The following SEZ6L variants were observed in gnomAD, a reference collection of about 807,000 sequenced individuals.
SEZ6L encodes seizure related 6 homolog like.
In SEZ6L, 37 loss-of-function variants were observed where a neutral mutation model predicts 106.2. The observed-to-expected ratio is 0.35, with a 90% CI of 0.27 to 0.46. The LOEUF is 0.46. SEZ6L is among the 20% of genes least tolerant of loss of function. The probability of loss-of-function intolerance (pLI) is 1.00; values close to 1 mark genes in which losing one functional copy is unlikely to be tolerated. For synonymous variants in SEZ6L, 541 were observed against 570.4 expected (o/e 0.95, Z 0.73); for missense variants, 1,172 against 1,332.8 (o/e 0.88, Z 1.88).
intron 9 of SEZ6L, among the ~76,000 whole-genome samples, chr22:26,323,949 C>T (rs1199343632): frequency 6.6e-6 from 1 of 152,044 alleles, no homozygotes; most frequent in Admixed American, 6.6e-5. Context: ...CTCCTTTGTA[C>T]AGATGAAGAA....
intron 9 of SEZ6L, among the ~76,000 whole-genome samples, chr22:26,333,248 CG>C (rs1569467040): frequency 6.6e-6 from 1 of 152,188 alleles, no homozygotes; most frequent in Non-Finnish European, 1.5e-5. Flanking sequence ...GACAAGCCAG[CG>C]GGTTGGCTTT....
Position 26,212,854 on chromosome 22 carries a change from G to A in SEZ6L, c.94+43091G>A, listed in dbSNP as rs140941677. On this transcript the variant is annotated intron_variant, in intron 1 of 16. Coordinates refer to ENST00000248933, the MANE Select transcript of SEZ6L (RefSeq NM_021115.5). ...CTGGAGAATAAGACTGCAAATGGTG[G>A]CCATGCATCAATCAGAGTGGGATTA... Among the ~76,000 whole-genome samples, 1,036 of 152,274 alleles carry A rather than the reference G, an allele frequency of 6.8e-3. 6 individuals carry two copies. Among genetic ancestry groups the A allele is most frequent in the Non-Finnish European group, 0.011 (729 of 68,024 alleles).
chr22:26,229,368 T>C (rs4140479), intron 1 of SEZ6L, among the ~76,000 whole-genome samples: 127,478 of 152,222 alleles, frequency 0.84, 53,660 homozygotes, highest in East Asian at 1. Flanking sequence ...TGCCCCGGGC[T>C]TGTAACTGTA....
intron 1 of SEZ6L, among the ~76,000 whole-genome samples, chr22:26,171,521 T>C (rs1938603034): frequency 6.6e-6 from 1 of 152,212 alleles, no homozygotes; most frequent in South Asian, 2.1e-4. Flanking sequence ...AAAAAAATTG[T>C]CTTAATGGCA....
intron 1 of SEZ6L, among the ~76,000 whole-genome samples, chr22:26,231,368 C>G (rs1178227506): frequency 1.3e-5 from 2 of 152,108 alleles, no homozygotes; most frequent in Admixed American, 6.5e-5. Flanking sequence ...GGGAGATGCT[C>G]CCACCCTGGC....
chr22:26,251,259 T>G (rs1660229260), intron 1 of SEZ6L, among the ~76,000 whole-genome samples: 1 of 152,224 alleles, frequency 6.6e-6, no homozygotes, highest in South Asian at 2.1e-4. Context: ...ATCCATTCAT[T>G]ATGATGTAAG....
At chr22:26,184,471 C>T (rs1601968490) in intron 1 of SEZ6L, among the ~76,000 whole-genome samples, 1 of 152,158 alleles carries the variant, frequency 6.6e-6, no homozygotes, top group African/African-American at 2.4e-5. Flanking sequence ...TCCCACTAGG[C>T]CATGGGAAAT....
intron 1 of SEZ6L, among the ~76,000 whole-genome samples, chr22:26,221,695 G>A (rs1054774689): frequency 2.0e-5 from 3 of 151,784 alleles, no homozygotes; most frequent in African/African-American, 7.3e-5. Flanking sequence ...ACCATCTCTC[G>A]TACCTGGTGT....
chr22:26,338,313 C>T (rs778255062), intron 9 of SEZ6L, among the ~76,000 whole-genome samples: 1 of 152,242 alleles, frequency 6.6e-6, no homozygotes, highest in African/African-American at 2.4e-5. Flanking sequence ...CCCAGGCACA[C>T]TGACCACTGG....
intron 1 of SEZ6L, among the ~76,000 whole-genome samples, chr22:26,250,768 T>C (rs988671066): frequency 1.3e-5 from 2 of 152,252 alleles, no homozygotes; most frequent in African/African-American, 4.8e-5. Context: ...ATTTTCACAA[T>C]ATTAATTATT....
chr22:26,299,641 G>A lies in SEZ6L; in HGVS notation c.1348+472G>A, dbSNP rs115905435. On this transcript the variant is annotated intron_variant, in intron 5 of 16. Coordinates refer to ENST00000248933, the MANE Select transcript of SEZ6L (RefSeq NM_021115.5). Reference sequence around the variant, plus strand: ...GTTTTCAAAGTTCGTGTATGTTGTAGCATGTATCAGTACTTCATTTCTTTT... The same window carrying A: ...GTTTTCAAAGTTCGTGTATGTTGTAACATGTATCAGTACTTCATTTCTTTT... Among the ~76,000 whole-genome samples the A allele has an allele frequency of 6.8e-3, 1,032 of 152,318 alleles. 11 individuals are homozygous for A. The highest frequency in any genetic ancestry group is 0.023 in the African/African-American group (973 of 41,574).
At chr22:26,279,071 T>C (rs1282174022) in intron 1 of SEZ6L, among the ~76,000 whole-genome samples, 1 of 151,776 alleles carries the variant, frequency 6.6e-6, no homozygotes, top group African/African-American at 2.4e-5. Context: ...CCCAACCACG[T>C]TGAATGACTC....
intron 1 of SEZ6L, among the ~76,000 whole-genome samples, chr22:26,248,411 G>A (rs1276780427): frequency 3.3e-5 from 5 of 152,174 alleles, no homozygotes; most frequent in Non-Finnish European, 7.3e-5. Flanking sequence ...CTGGAGTGCA[G>A]AGGCACAATC....
intron 5 of SEZ6L, among the ~76,000 whole-genome samples, chr22:26,299,742 T>A (rs1293449736): frequency 6.6e-6 from 1 of 152,244 alleles, no homozygotes; most frequent in Admixed American, 6.5e-5. Flanking sequence ...GACATTTGAG[T>A]TGTTTCTACT....
intron 9 of SEZ6L, among the ~76,000 whole-genome samples, chr22:26,316,923 A>AAAAGAAAG (rs796245709): frequency 3.3e-5 from 5 of 150,296 alleles, no homozygotes; most frequent in African/African-American, 9.7e-5. Flanking sequence ...GAAAGAAAGA[A>AAAAGAAAG]AAAGAAAGAA....
intron 1 of SEZ6L, among the ~76,000 whole-genome samples, chr22:26,181,015 G>A (rs1939353568): frequency 6.6e-6 from 1 of 152,168 alleles, no homozygotes; most frequent in South Asian, 2.1e-4. Flanking sequence ...TCATGCTGGG[G>A]CAAGTCACTG....
At chr22:26,319,104 A>G (rs2082083849) in intron 9 of SEZ6L, among the ~76,000 whole-genome samples, 1 of 152,162 alleles carries the variant, frequency 6.6e-6, no homozygotes, top group African/African-American at 2.4e-5. Flanking sequence ...CCCCCAGCCC[A>G]GCACACTCAC....
chr22:26,275,056 G>A (rs775652657), intron 1 of SEZ6L, among the ~76,000 whole-genome samples: 4 of 152,180 alleles, frequency 2.6e-5, no homozygotes, highest in Non-Finnish European at 4.4e-5. Flanking sequence ...AGGACTTAGC[G>A]GTTACCTCTC....
At chr22:26,287,693 C>T (rs1191213827) in intron 1 of SEZ6L, among the ~76,000 whole-genome samples, 2 of 152,162 alleles carry the variant, frequency 1.3e-5, no homozygotes, top group East Asian at 3.9e-4. Context: ...CGCTAATTCC[C>T]AGTGGGACTT....
Sources: gnomAD v4.1 joint callset for allele counts (sites outside exome capture counted in the v4.1 genomes callset) on GRCh38, gnomAD v4.1.1 for gene constraint, MANE v1.5 for transcripts, NCBI Gene and HGNC (gene_info 2026-07-23, HGNC 2026-07-21) for gene names.